Variants in CLYBL observed in about 807,000 individuals in gnomAD.
CLYBL encodes the protein citramalyl-CoA lyase.
CLYBL carries 31 observed loss-of-function variants against 38.9 expected under a neutral mutation model. The ratio of observed to expected loss-of-function variants is 0.80; its 90% CI spans 0.60 to 1.08. The LOEUF is 1.08. Among genes scored for constraint, CLYBL ranks in the 50% least tolerant of loss-of-function variants. The pLI is 0.00. For missense variants in CLYBL, 434 were observed against 411.6 expected (o/e 1.05, Z -0.47); for synonymous variants, 171 against 158.6 (o/e 1.08, Z -0.59).
At chr13:99,830,520 G>A (rs1418437466) in intron 2 of CLYBL, among the ~76,000 whole-genome samples, 1 of 152,190 alleles carries the variant, frequency 6.6e-6, no homozygotes, top group African/African-American at 2.4e-5. Flanking sequence ...ATGTTGCAGA[G>A]AGGAGTCATA....
At chr13:99,775,043 A>G (rs1026769605) in intron 2 of CLYBL, among the ~76,000 whole-genome samples, 3 of 152,302 alleles carry the variant, frequency 2.0e-5, no homozygotes, top group East Asian at 3.9e-4. Flanking sequence ...AAAAGTTGAT[A>G]AAGTACCTGG....
At chr13:99,676,588 C>A (rs1220030383) in intron 1 of CLYBL, among the ~76,000 whole-genome samples, 2 of 150,128 alleles carry the variant, frequency 1.3e-5, no homozygotes, top group Non-Finnish European at 2.9e-5. Flanking sequence ...CCACACCCAG[C>A]CTTCTTCATT....
At chr13:99,794,283 T>A (rs1322791984) in intron 2 of CLYBL, among the ~76,000 whole-genome samples, 4 of 152,022 alleles carry the variant, frequency 2.6e-5, no homozygotes, top group Non-Finnish European at 4.4e-5. Context: ...TAGGTGGGCA[T>A]GGTGGCACAC....
rs1341986954 is a variant in CLYBL at position 99,864,857 on chromosome 13, G to T, written c.580G>T (p.Gly194Cys). Residue 194 changes from glycine to cysteine, a missense_variant, in exon 5 of 9, where the codon GGT becomes TGT. Physicochemically the swap from Gly to Cys is radical, Grantham distance 159. Coordinates refer to ENST00000339105, the MANE Select transcript of CLYBL (RefSeq NM_206808.5). ...AACCCTGAAGGTCGGGCCTCAAGTAGGTCTCTTTCTAGATGCAGTCGTTTT... is the reference window on the plus strand; with the variant it reads ...AACCCTGAAGGTCGGGCCTCAAGTATGTCTCTTTCTAGATGCAGTCGTTTT... ...EETLKVGPQVGLFLDAVVFGG... is the reference protein window; with the variant it reads ...EETLKVGPQVCLFLDAVVFGG... 1 of 1,613,968 alleles carries T rather than the reference G, an allele frequency of 6.2e-7. No homozygotes were observed. Among genetic ancestry groups the T allele is most frequent in the Non-Finnish European group, 8.5e-7 (1 of 1,179,948 alleles).
intron 7 of CLYBL, chr13:99,884,971 A>C (rs1470862678): frequency 2.1e-6 from 1 of 475,874 alleles, no homozygotes. Context: ...GTGTCCTTCT[A>C]TTCAGGTAGG....
chr13:99,887,099 C>A (rs147632987), intron 7 of CLYBL, among the ~76,000 whole-genome samples: 399 of 152,324 alleles, frequency 2.6e-3, no homozygotes, highest in Non-Finnish European at 4.7e-3. Flanking sequence ...CCAGCCTAAC[C>A]ATTTCTACCT....
intron 1 of CLYBL, among the ~76,000 whole-genome samples, chr13:99,739,402 G>A (rs750864114): frequency 2.0e-5 from 3 of 152,096 alleles, no homozygotes. Flanking sequence ...ATGATGGGTC[G>A]CGTTCTGCCT....
intron 2 of CLYBL, among the ~76,000 whole-genome samples, chr13:99,785,911 A>C (rs1384759603): frequency 1.3e-5 from 2 of 151,788 alleles, no homozygotes; most frequent in East Asian, 3.9e-4. Context: ...ACATTTCTTA[A>C]ATTTTTTTTT....
At chr13:99,622,521 C>A (rs548970326) in intron 1 of CLYBL, among the ~76,000 whole-genome samples, 4 of 152,212 alleles carry the variant, frequency 2.6e-5, no homozygotes, top group Admixed American at 1.3e-4. Flanking sequence ...TAGTGGCAAA[C>A]AATCCTGTGA....
intron 1 of CLYBL, among the ~76,000 whole-genome samples, chr13:99,613,024 T>C (rs1030256752): frequency 1.1e-3 from 3 of 2,696 alleles, no homozygotes; most frequent in African/African-American, 2.3e-3. Flanking sequence ...AAAATAGTGA[T>C]GATAATAATA....
chr13:99,635,909 A>G (rs1357861860), intron 1 of CLYBL, among the ~76,000 whole-genome samples: 1 of 152,180 alleles, frequency 6.6e-6, no homozygotes, highest in African/African-American at 2.4e-5. Context: ...TGTGGTTCCT[A>G]TTATAGCTTT....
chr13:99,662,332 AAGG>A (rs2047420553), intron 1 of CLYBL, among the ~76,000 whole-genome samples: 1 of 152,190 alleles, frequency 6.6e-6, no homozygotes, highest in Non-Finnish European at 1.5e-5. Context: ...TAATTTTTTA[AAGG>A]AGTAGAATTT....
At chr13:99,781,012 C>T (rs950477403) in intron 2 of CLYBL, among the ~76,000 whole-genome samples, 2 of 151,916 alleles carry the variant, frequency 1.3e-5, no homozygotes, top group African/African-American at 4.8e-5. Context: ...CTGCACCCGG[C>T]TAATCCATTG....
chr13:99,883,388 G>A lies in CLYBL; in HGVS notation c.928-7930G>A, dbSNP rs147564134. Among the ~76,000 whole-genome samples the A allele has an allele frequency of 6.0e-3, 905 of 151,926 alleles. 8 individuals carry two copies. Among genetic ancestry groups the A allele is most frequent in the African/African-American group, 0.02 (833 of 41,436 alleles). ...ACAAAAATTAGCTGGGTGTGGTGGC[G>A]AGCGCCTGAAATCCCAGCTACTCAG... is the stretch of plus-strand genomic sequence containing the variant. On this transcript the variant is annotated intron_variant, in intron 7 of 8. Transcript: ENST00000339105.
intron 2 of CLYBL, among the ~76,000 whole-genome samples, chr13:99,828,362 C>T (rs1206848482): frequency 2.0e-5 from 3 of 152,192 alleles, no homozygotes; most frequent in East Asian, 3.8e-4. Flanking sequence ...GGAATTTTCC[C>T]ATGGTAGCGA....
At chr13:99,663,847 G>C (rs1365061676) in intron 1 of CLYBL, among the ~76,000 whole-genome samples, 1 of 152,160 alleles carries the variant, frequency 6.6e-6, no homozygotes, top group Non-Finnish European at 1.5e-5. Context: ...GGCTACCAAA[G>C]GGAAAGAGGG....
intron 6 of CLYBL, among the ~76,000 whole-genome samples, chr13:99,867,059 C>G (rs2051766380): frequency 6.6e-6 from 1 of 152,058 alleles, no homozygotes; most frequent in Non-Finnish European, 1.5e-5. Flanking sequence ...AGGGGAGCAA[C>G]AGAAAATTGT....
chr13:99,847,234 C>T (rs2051226295), intron 2 of CLYBL, among the ~76,000 whole-genome samples: 1 of 152,186 alleles, frequency 6.6e-6, no homozygotes, highest in African/African-American at 2.4e-5. Context: ...GAGTGAAAGG[C>T]TGGCGGACCC....
chr13:99,669,450 GGA>G (rs754736633), intron 1 of CLYBL, among the ~76,000 whole-genome samples: 29 of 152,302 alleles, frequency 1.9e-4, no homozygotes, highest in Non-Finnish European at 4.0e-4. Context: ...TCTAGGAACT[GGA>G]GAGAGGGGAG....
Sources: allele counts gnomAD v4.1 joint callset (sites outside exome capture counted in the v4.1 genomes callset), GRCh38; gene constraint gnomAD v4.1.1; transcripts MANE v1.5; gene names NCBI Gene and HGNC (gene_info 2026-07-23, HGNC 2026-07-21).